ANTXR1: variants seen among roughly 807,000 people sequenced by gnomAD.
ANTXR1 encodes the protein ANTXR cell adhesion molecule 1, also known as anthrax toxin receptor 1.
A neutral mutation model predicts 78.1 loss-of-function variants in ANTXR1; 19 were observed. That is an observed-to-expected ratio of 0.24 (90% CI 0.17 to 0.36). ANTXR1 has a LOEUF of 0.36. Among genes scored for constraint, ANTXR1 ranks in the 10% least tolerant of loss-of-function variants. The pLI is 1.00. For missense variants in ANTXR1, 518 were observed against 718.6 expected, an observed-to-expected ratio of 0.72 and a Z score of 3.19; for synonymous variants, 273 against 260.5, an observed-to-expected ratio of 1.05 and a Z score of -0.46.
At chr2:69,197,869 A>G (rs1441449914) in intron 17 of ANTXR1, among the ~76,000 whole-genome samples, 1 of 152,160 alleles carries the variant, frequency 6.6e-6, no homozygotes, top group Non-Finnish European at 1.5e-5. Flanking sequence ...GAGCTTTTTA[A>G]CTTACTTGGT....
intron 12 of ANTXR1, among the ~76,000 whole-genome samples, chr2:69,132,700 A>G (rs548484523): frequency 1.3e-3 from 204 of 152,330 alleles, no homozygotes; most frequent in African/African-American, 4.7e-3. Flanking sequence ...TGGGACAGAC[A>G]ATTCATTCCA....
intron 9 of ANTXR1, among the ~76,000 whole-genome samples, chr2:69,098,928 G>T (rs1192136187): frequency 2.6e-5 from 4 of 152,208 alleles, no homozygotes; most frequent in African/African-American, 9.7e-5. Flanking sequence ...GGAGGTTGCA[G>T]TGAGCCAAGA....
At chr2:69,154,319 T>C (rs1673471261) in intron 13 of ANTXR1, among the ~76,000 whole-genome samples, 1 of 152,180 alleles carries the variant, frequency 6.6e-6, no homozygotes, top group African/African-American at 2.4e-5. Context: ...CTGTTTATGA[T>C]GTCTATTTAA....
Position 69,014,994 on chromosome 2 carries a change from G to C in ANTXR1, c.152+1343G>C, listed in dbSNP as rs562453278. Among the ~76,000 whole-genome samples the C allele has an allele frequency of 3.3e-5, 5 of 151,850 alleles. No individual in the cohort carries two copies. The East Asian group carries it at 7.7e-4, about 24-fold the overall frequency. On this transcript the variant is annotated intron_variant, in intron 1 of 17. Coordinates refer to ENST00000303714, the MANE Select transcript of ANTXR1 (RefSeq NM_032208.3). ...GCATCAGCTCACAGACTTAGAGACAGTGCATGAAAACAGTCGGAGGTGCTC... is the reference window on the plus strand; with the variant it reads ...GCATCAGCTCACAGACTTAGAGACACTGCATGAAAACAGTCGGAGGTGCTC...
At chr2:69,145,133 T>C (rs1673186149) in intron 12 of ANTXR1, among the ~76,000 whole-genome samples, 1 of 152,164 alleles carries the variant, frequency 6.6e-6, no homozygotes, top group Non-Finnish European at 1.5e-5. Flanking sequence ...CAGAGTTAAA[T>C]AGATTTACCA....
At chr2:69,014,735 A>G (rs1456626243) in intron 1 of ANTXR1, among the ~76,000 whole-genome samples, 1 of 152,152 alleles carries the variant, frequency 6.6e-6, no homozygotes, top group East Asian at 1.9e-4. Flanking sequence ...CACAGACTGG[A>G]AAGTATTTAG....
rs141982222 is a variant in ANTXR1, at chr2:69,026,079, G to A, written c.152+12428G>A. 6.0e-3 allele frequency among the ~76,000 whole-genome samples: 911 copies of A among 152,292 alleles called. 8 individuals carry two copies. Among genetic ancestry groups the A allele is most frequent in the Non-Finnish European group, 0.011 (722 of 68,014 alleles). ...CTCCCAAATTCCCGTAACAATTAGC[G>A]GAAGTTCTTTAATACCTCTCACTAT... On this transcript the variant is annotated intron_variant, in intron 1 of 17. Coordinates refer to ENST00000303714, the MANE Select transcript of ANTXR1 (RefSeq NM_032208.3).
chr2:69,106,935 A>G (rs937836497), intron 10 of ANTXR1, among the ~76,000 whole-genome samples: 4 of 152,244 alleles, frequency 2.6e-5, no homozygotes, highest in African/African-American at 9.6e-5. Context: ...GAAGACATGA[A>G]ACAGATCATA....
chr2:69,117,866 A>C lies in ANTXR1; in HGVS notation c.803-5151A>C, dbSNP rs573523012. 7.2e-5 allele frequency among the ~76,000 whole-genome samples: 11 copies of C among 152,250 alleles called. No homozygotes were observed. The South Asian group carries it at 2.3e-3, about 32-fold the overall frequency. ...CAGATTTGAGTCGGTGTGATCTGAA[A>C]TATCCTCTGCCCCTCTCTGTCCCCT... On this transcript the variant is annotated intron_variant, in intron 10 of 17. Transcript: ENST00000303714.
At chr2:69,096,378 AGGG>A (rs1671427022) in intron 9 of ANTXR1, among the ~76,000 whole-genome samples, 1 of 108,042 alleles carries the variant, frequency 9.3e-6, no homozygotes, top group African/African-American at 3.7e-5. Flanking sequence ...GGGAGGAAGG[AGGG>A]AAGGAAGGAA....
chr2:69,130,612 A>G (rs1672711642), intron 12 of ANTXR1, among the ~76,000 whole-genome samples: 1 of 152,180 alleles, frequency 6.6e-6, no homozygotes. Context: ...CCTGTCTCGC[A>G]TTTTTATAGT....
In ANTXR1 at chr2:69,210,722, G is replaced by A. The variant is rs80132594; in HGVS notation, c.1434+17307G>A. ...AGGCCGACAGGGGTGGATCACTTGA[G>A]GTCAGGAGTTTGAGACCAGCCTGGC... On this transcript the variant is annotated intron_variant, in intron 17 of 17. Coordinates refer to ENST00000303714, the MANE Select transcript of ANTXR1 (RefSeq NM_032208.3). 9.6e-3 allele frequency among the ~76,000 whole-genome samples: 1,456 copies of A among 152,224 alleles called. 36 individuals are homozygous for A. In the East Asian group the frequency reaches 0.096, roughly 10 times the overall value.
At chr2:69,061,399 A>C (rs1443182687) in intron 3 of ANTXR1, among the ~76,000 whole-genome samples, 1 of 152,174 alleles carries the variant, frequency 6.6e-6, no homozygotes, top group African/African-American at 2.4e-5. Flanking sequence ...AATCTAAGAA[A>C]AGAGTTTGAA....
chr2:69,162,542 T>C (rs1298727844), intron 13 of ANTXR1, among the ~76,000 whole-genome samples: 1 of 152,162 alleles, frequency 6.6e-6, no homozygotes, highest in Non-Finnish European at 1.5e-5. Context: ...CCAGGCCTCA[T>C]AGAATTTCCA....
intron 1 of ANTXR1, among the ~76,000 whole-genome samples, chr2:69,029,003 G>C (rs1348370393): frequency 6.6e-6 from 1 of 151,800 alleles, no homozygotes; most frequent in Non-Finnish European, 1.5e-5. Flanking sequence ...GATTACTTGA[G>C]GTCAGGAGTT....
At chr2:69,070,549 C>T in intron 3 of ANTXR1, 98 bp from the exon 4 acceptor site, 1 of 1,081,046 alleles carries the variant, frequency 9.3e-7, no homozygotes. Context: ...GACTAGACAG[C>T]AGTATCCACA....
At chr2:69,179,896 C>T (rs754804035) in intron 14 of ANTXR1, among the ~76,000 whole-genome samples, 5 of 152,140 alleles carry the variant, frequency 3.3e-5, no homozygotes, top group African/African-American at 4.8e-5. Context: ...ATCATGAATG[C>T]AATATGTGTT....
chr2:69,120,670 A>T (rs981706585), intron 10 of ANTXR1, among the ~76,000 whole-genome samples: 1 of 152,018 alleles, frequency 6.6e-6, no homozygotes, highest in Non-Finnish European at 1.5e-5. Flanking sequence ...TCTCAGAAAA[A>T]AAAGATAATA....
intron 17 of ANTXR1, among the ~76,000 whole-genome samples, chr2:69,236,976 CT>C (rs905095757): frequency 4.0e-4 from 61 of 152,224 alleles, no homozygotes; most frequent in African/African-American, 1.4e-3. Context: ...TTCTCCCTTC[CT>C]TTTTTTGTGT....
Sources: gnomAD v4.1 joint callset for allele counts (sites outside exome capture counted in the v4.1 genomes callset) on GRCh38, gnomAD v4.1.1 for gene constraint, MANE v1.5 for transcripts, NCBI Gene and HGNC (gene_info 2026-07-23, HGNC 2026-07-21) for gene names.